Variants in PDE4D observed in about 807,000 individuals in gnomAD.
The protein encoded by PDE4D is 3',5'-cyclic-AMP phosphodiesterase 4D.
A neutral mutation model predicts 87.4 loss-of-function variants in PDE4D; 24 were observed. That is an observed-to-expected ratio of 0.27 (90% confidence interval 0.20 to 0.39). The LOEUF (loss-of-function observed/expected upper bound fraction) is 0.39. PDE4D is among the 10% of genes least tolerant of loss of function. The pLI, the probability that PDE4D is intolerant of heterozygous loss-of-function variation, is 1.00. For synonymous variants in PDE4D, 384 were observed against 383.2 expected (o/e 1.00, Z -0.02); for missense variants, 714 against 1,041.0 (o/e 0.69, Z 4.32).
intron 2 of PDE4D, among the ~76,000 whole-genome samples, chr5:60,092,605 A>G (rs1001591780): frequency 1.1e-4 from 17 of 151,922 alleles, no homozygotes; most frequent in African/African-American, 4.1e-4. Context: ...GGAGGGTACT[A>G]GGAATAAAGT....
intron 1 of PDE4D, among the ~76,000 whole-genome samples, chr5:59,866,596 C>A (rs1040148943): frequency 7.2e-5 from 11 of 152,232 alleles, no homozygotes; most frequent in African/African-American, 2.4e-4. Flanking sequence ...TGACAGTGAA[C>A]TATGATGATG....
intron 1 of PDE4D, among the ~76,000 whole-genome samples, chr5:59,441,413 T>A (rs1345757595): frequency 6.6e-6 from 1 of 152,240 alleles, no homozygotes; most frequent in East Asian, 1.9e-4. Flanking sequence ...CTTTTTAATA[T>A]GAAAACCTCA....
chr5:59,574,081 TATTTATATATATAA>T (rs1822502296), intron 1 of PDE4D, among the ~76,000 whole-genome samples: 1 of 6,910 alleles, frequency 1.4e-4, no homozygotes, highest in African/African-American at 3.1e-4. Flanking sequence ...TTTATATATA[TATTTATATATATAA>T]ATATATATTT....
chr5:60,052,765 G>A (rs1770330738), intron 2 of PDE4D, among the ~76,000 whole-genome samples: 2 of 152,176 alleles, frequency 1.3e-5, no homozygotes, highest in Non-Finnish European at 2.9e-5. Context: ...GTTTGCAGAT[G>A]ACATGATCAT....
chr5:60,413,624 G>A (rs1163617399), intron 1 of PDE4D, among the ~76,000 whole-genome samples: 1 of 152,078 alleles, frequency 6.6e-6, no homozygotes. Flanking sequence ...ATTCTAAAAG[G>A]GCCAAAGCCT....
chr5:59,358,736 G>A (rs1781774916), intron 1 of PDE4D, among the ~76,000 whole-genome samples: 2 of 152,040 alleles, frequency 1.3e-5, no homozygotes, highest in African/African-American at 4.8e-5. Context: ...GGTGTGAAAG[G>A]GAGGGGGAGG....
At chr5:59,689,081 G>A (rs1479682673) in intron 1 of PDE4D, among the ~76,000 whole-genome samples, 1 of 152,082 alleles carries the variant, frequency 6.6e-6, no homozygotes, top group Non-Finnish European at 1.5e-5. Context: ...ATAATTAATA[G>A]CCTACCAACC....
chr5:60,372,933 C>G (rs1157381544), intron 1 of PDE4D, among the ~76,000 whole-genome samples: 11 of 152,222 alleles, frequency 7.2e-5, no homozygotes, highest in Admixed American at 3.9e-4. Context: ...GCCTTAGAGG[C>G]AGTGAGATGG....
At chr5:59,404,961 A>G (rs914253049) in intron 1 of PDE4D, among the ~76,000 whole-genome samples, 2 of 152,078 alleles carry the variant, frequency 1.3e-5, no homozygotes, top group African/African-American at 4.8e-5. Flanking sequence ...TCATGCCAGA[A>G]CCATCCTGTT....
intron 3 of PDE4D, among the ~76,000 whole-genome samples, chr5:59,984,834 G>A (rs935602209): frequency 6.6e-6 from 1 of 152,128 alleles, no homozygotes. Flanking sequence ...TGATATGCCA[G>A]AAGAAAGAGC....
chr5:60,161,670 A>G (rs867046112), intron 2 of PDE4D, among the ~76,000 whole-genome samples: 2 of 152,224 alleles, frequency 1.3e-5, no homozygotes, highest in Middle Eastern at 6.8e-3. Context: ...TCACCTTCAC[A>G]GTACTGCACT....
intron 1 of PDE4D, among the ~76,000 whole-genome samples, chr5:59,676,550 T>C (rs1388724576): frequency 6.6e-6 from 1 of 152,208 alleles, no homozygotes; most frequent in Non-Finnish European, 1.5e-5. Flanking sequence ...GATTTTCTAA[T>C]TTTACAGAGC....
chr5:59,862,598 A>T (rs915692979), intron 1 of PDE4D, among the ~76,000 whole-genome samples: 8 of 152,190 alleles, frequency 5.3e-5, no homozygotes, highest in African/African-American at 1.4e-4. Context: ...TAAAATGGGG[A>T]TGCTAATAAG....
intron 1 of PDE4D, among the ~76,000 whole-genome samples, chr5:59,278,864 A>G (rs764279513): frequency 6.6e-6 from 1 of 152,144 alleles, no homozygotes; most frequent in Non-Finnish European, 1.5e-5. Flanking sequence ...GAAAGCGTCA[A>G]TTGCATACAG....
intron 1 of PDE4D, chr5:59,587,340 TC>T (rs1255887280): frequency 1.7e-6 from 1 of 596,062 alleles, no homozygotes; most frequent in East Asian, 1.4e-4. Flanking sequence ...TTCTTTTTTT[TC>T]CTCTCTCAAT....
At chr5:59,308,821 C>T (rs1771964497) in intron 1 of PDE4D, among the ~76,000 whole-genome samples, 1 of 151,734 alleles carries the variant, frequency 6.6e-6, no homozygotes, top group Non-Finnish European at 1.5e-5. Context: ...GATTATATGC[C>T]CTTTGTCTTC....
At chr5:60,485,355 G>A (rs1442296902) in intron 1 of PDE4D, among the ~76,000 whole-genome samples, 1 of 151,178 alleles carries the variant, frequency 6.6e-6, no homozygotes, top group African/African-American at 2.4e-5. Context: ...CAGGAAAAAC[G>A]TTGGAGGGAA....
chr5:59,615,807 A>G (rs988902097), intron 1 of PDE4D, among the ~76,000 whole-genome samples: 9 of 152,180 alleles, frequency 5.9e-5, no homozygotes, highest in African/African-American at 2.2e-4. Context: ...CTAGTTAGCT[A>G]AATAGAAATG....
At chr5:60,381,145 A>G (rs531171423) in intron 1 of PDE4D, among the ~76,000 whole-genome samples, 2 of 152,286 alleles carry the variant, frequency 1.3e-5, no homozygotes, top group South Asian at 4.1e-4. Flanking sequence ...AGTTTATGCT[A>G]ACAATGTGAT....
Sources: allele counts gnomAD v4.1 joint callset (sites outside exome capture counted in the v4.1 genomes callset), GRCh38; gene constraint gnomAD v4.1.1; transcripts MANE v1.5; gene names NCBI Gene and HGNC (gene_info 2026-07-23, HGNC 2026-07-21).